The following TRIO variants were observed in gnomAD, a reference collection of about 807,000 sequenced individuals.
TRIO encodes the protein trio Rho guanine nucleotide exchange factor.
Under a neutral mutation model 351.9 loss-of-function variants are expected in TRIO, and 58 were observed. The observed-to-expected ratio is 0.16, with a 90% CI of 0.13 to 0.21. The LOEUF (loss-of-function observed/expected upper bound fraction) is 0.21. TRIO is among the 10% of genes least tolerant of loss of function. The pLI, the probability that TRIO is intolerant of heterozygous loss-of-function variation, is 1.00. For synonymous variants in TRIO, 1,758 were observed against 1,595.7 expected (o/e 1.10, Z -2.42); for missense variants, 3,201 against 4,027.8 (o/e 0.79, Z 5.56).
chr5:14,496,795 ATT>A (rs1191688874), intron 49 of TRIO, 82 bp from the exon 50 acceptor site: 3 of 1,551,796 alleles, frequency 1.9e-6, no homozygotes, highest in Non-Finnish European at 2.6e-6. Flanking sequence ...TACGTTGAAT[ATT>A]CAGCTTTTCT....
At chr5:14,410,100 A>C (rs994729092) in intron 33 of TRIO, among the ~76,000 whole-genome samples, 6 of 152,158 alleles carry the variant, frequency 3.9e-5, no homozygotes, top group African/African-American at 1.4e-4. Flanking sequence ...GAAAGGATGA[A>C]ATGTCGTGTC....
At chr5:14,428,886 C>T (rs1178562241) in intron 34 of TRIO, among the ~76,000 whole-genome samples, 1 of 152,170 alleles carries the variant, frequency 6.6e-6, no homozygotes, top group Non-Finnish European at 1.5e-5. Context: ...GGGGGTGACT[C>T]ATGGGCCAAG....
chr5:14,173,335 C>T (rs1003319302), intron 1 of TRIO, among the ~76,000 whole-genome samples: 12 of 151,566 alleles, frequency 7.9e-5, no homozygotes, highest in East Asian at 1.9e-4. Context: ...CTCAGCCTCC[C>T]GAGTAGCTGG....
Position 14,286,533 on chromosome 5 carries a change from G to A in TRIO, c.348-338G>A, listed in dbSNP as rs1736457788. Among the ~76,000 whole-genome samples the A allele has an allele frequency of 6.6e-6, 1 of 152,132 alleles. No homozygotes were observed. The highest frequency in any genetic ancestry group is 2.4e-5 in the African/African-American group (1 of 41,414). The stretch of plus-strand genomic sequence containing the variant: ...GAGACCTTTGCTCGCAGGAGTGACT[G>A]GAGGAGTTCATGTAATCAATTAATG... On this transcript the variant is annotated intron_variant, in intron 3 of 56. Transcript: ENST00000344204. This position sits in a 1 kb window ranked among gnomAD's most constrained non-coding sequence, Gnocchi z 4.4.
chr5:14,413,627 A>G (rs1167784674), intron 33 of TRIO, among the ~76,000 whole-genome samples: 1 of 152,220 alleles, frequency 6.6e-6, no homozygotes, highest in Non-Finnish European at 1.5e-5. Context: ...TTCTCTCATA[A>G]AACCACAAAC....
At chr5:14,171,767 GC>G (rs1789108025) in intron 1 of TRIO, among the ~76,000 whole-genome samples, 1 of 152,160 alleles carries the variant, frequency 6.6e-6, no homozygotes, top group South Asian at 2.1e-4. Context: ...GAAAGAGACG[GC>G]AGGAAGGAGC....
At chr5:14,351,007 G>A (rs1743034595) in intron 11 of TRIO, among the ~76,000 whole-genome samples, 1 of 152,152 alleles carries the variant, frequency 6.6e-6, no homozygotes, top group African/African-American at 2.4e-5. Context: ...AGTCCTGTGA[G>A]AATCTAATGC....
At chr5:14,315,441 C>T (rs111885249) in intron 8 of TRIO, among the ~76,000 whole-genome samples, 6,732 of 151,928 alleles carry the variant, frequency 0.044, 501 homozygotes, top group African/African-American at 0.15. Flanking sequence ...TTAGTAGAGA[C>T]GGGGTTTCAC....
intron 42 of TRIO, 105 bp from the exon 43 acceptor site, chr5:14,479,813 GT>G: frequency 1.0e-6 from 1 of 1,004,800 alleles, no homozygotes; most frequent in South Asian, 1.7e-5. Flanking sequence ...TTTTTTCCTC[GT>G]TACTTTTACT....
chr5:14,361,146 C>T (rs1000763358), intron 13 of TRIO, among the ~76,000 whole-genome samples: 1 of 151,738 alleles, frequency 6.6e-6, no homozygotes, highest in South Asian at 2.1e-4. Flanking sequence ...GCATTAGTTG[C>T]AGTTTTTCTT....
intron 1 of TRIO, among the ~76,000 whole-genome samples, chr5:14,260,439 G>T (rs1255352446): frequency 1.3e-5 from 2 of 152,112 alleles, no homozygotes; most frequent in East Asian, 3.8e-4. Flanking sequence ...AAATCTCTGG[G>T]GTTTAAGAGA....
intron 1 of TRIO, among the ~76,000 whole-genome samples, chr5:14,266,183 C>T (rs560623555): frequency 3.9e-5 from 6 of 152,204 alleles, no homozygotes; most frequent in Admixed American, 6.5e-5. Flanking sequence ...CTCAGCCTCC[C>T]GAGTAGCTGG....
chr5:14,437,917 A>G (rs1751725816), intron 34 of TRIO, among the ~76,000 whole-genome samples: 1 of 152,150 alleles, frequency 6.6e-6, no homozygotes. Flanking sequence ...TGACATAGAT[A>G]TCACCCTTTT....
chr5:14,421,340 ACGCCTCTAAT>A (rs1750139124), intron 34 of TRIO, among the ~76,000 whole-genome samples: 1 of 149,754 alleles, frequency 6.7e-6, no homozygotes, highest in Non-Finnish European at 1.5e-5. Context: ...ACGGTGACTC[ACGCCTCTAAT>A]CCCAGCACTT....
chr5:14,474,499 GT>G (rs947469504), intron 40 of TRIO, among the ~76,000 whole-genome samples: 2 of 152,072 alleles, frequency 1.3e-5, no homozygotes, highest in African/African-American at 2.4e-5. Flanking sequence ...TACCTCGTGG[GT>G]TTTTTGTGAA....
rs1554072148 is a variant in TRIO, at chr5:14,403,777, T to TGTGAGGGTGTAGGTTGTG, written c.4717-2068_4717-2067insAGGGTGTAGGTTGTGGTG. Among the ~76,000 whole-genome samples, 16 of 22,198 alleles carry TGTGAGGGTGTAGGTTGTG rather than the reference T, an allele frequency of 7.2e-4. 5 individuals carry two copies. Among genetic ancestry groups the TGTGAGGGTGTAGGTTGTG allele is most frequent in the African/African-American group, 2.2e-3 (8 of 3,706 alleles). The allele number at this position is 22,198 out of a possible 152,430, so 14.6% of individuals were successfully genotyped here. A position where few individuals can be genotyped will look rare whatever the true frequency, so the allele number is the denominator to read the frequency against. ...AGGTGGTGGTGGTGAGGGTGTAGGT[T>TGTGAGGGTGTAGGTTGTG]GTGGTGAGGGTGTAGGTTGTGGTGG... On this transcript the variant is annotated intron_variant, in intron 31 of 56. Coordinates refer to ENST00000344204, the MANE Select transcript of TRIO (RefSeq NM_007118.4).
intron 21 of TRIO, among the ~76,000 whole-genome samples, chr5:14,382,983 C>T (rs1433152610): frequency 6.6e-6 from 1 of 152,032 alleles, no homozygotes; most frequent in Non-Finnish European, 1.5e-5. Flanking sequence ...TGGGAACTTG[C>T]TCTGTTACCC....
At chr5:14,283,293 C>G (rs529744322) in intron 3 of TRIO, among the ~76,000 whole-genome samples, 1 of 152,168 alleles carries the variant, frequency 6.6e-6, no homozygotes, top group Non-Finnish European at 1.5e-5. Flanking sequence ...AGTGCTTCCT[C>G]GTGCTTCCCA....
chr5:14,444,610 G>C (rs1186753632), intron 34 of TRIO, among the ~76,000 whole-genome samples: 1 of 152,156 alleles, frequency 6.6e-6, no homozygotes, highest in Admixed American at 6.5e-5. Context: ...AGAAGATAGA[G>C]AATGCTCGCT....
Sources: allele counts gnomAD v4.1 joint callset (sites outside exome capture counted in the v4.1 genomes callset), GRCh38; gene constraint gnomAD v4.1.1; non-coding constraint Gnocchi (gnomAD v3.1); transcripts MANE v1.5; gene names NCBI Gene and HGNC (gene_info 2026-07-23, HGNC 2026-07-21).